Variants in ARID1B observed in about 807,000 individuals in gnomAD.
The protein encoded by ARID1B is AT-rich interactive domain-containing protein 1B.
ARID1B carries 30 observed loss-of-function variants against 212.3 expected under a neutral mutation model. The ratio of observed to expected loss-of-function variants is 0.14; its 90% CI spans 0.11 to 0.19. ARID1B has a LOEUF of 0.19. Among genes scored for constraint, ARID1B ranks in the 10% least tolerant of loss-of-function variants. The probability of loss-of-function intolerance (pLI) is 1.00; values close to 1 mark genes in which losing one functional copy is unlikely to be tolerated. For missense variants in ARID1B, 2,891 were observed against 3,204.0 expected (o/e 0.90, Z 2.36); for synonymous variants, 1,402 against 1,301.7 (o/e 1.08, Z -1.66).
intron 1 of ARID1B, among the ~76,000 whole-genome samples, chr6:156,788,798 CA>C (rs200437035): frequency 6.6e-6 from 1 of 152,082 alleles, no homozygotes; most frequent in Non-Finnish European, 1.5e-5. Flanking sequence ...ATATAAAGAG[CA>C]ATTTTTTTTA....
intron 2 of ARID1B, among the ~76,000 whole-genome samples, chr6:156,872,385 G>A (rs1176592230): frequency 4.6e-5 from 7 of 152,120 alleles, no homozygotes; most frequent in Non-Finnish European, 7.4e-5. Flanking sequence ...GCAATGGTGC[G>A]ATCTTGGCTC....
intron 1 of ARID1B, among the ~76,000 whole-genome samples, chr6:156,785,107 A>G (rs1003181633): frequency 7.9e-5 from 12 of 152,176 alleles, no homozygotes; most frequent in Non-Finnish European, 1.6e-4. Context: ...TCAAACCCAC[A>G]TCTGTATGGA....
At chr6:156,990,506 TATC>T (rs1453742765) in intron 4 of ARID1B, among the ~76,000 whole-genome samples, 1 of 151,992 alleles carries the variant, frequency 6.6e-6, no homozygotes, top group Non-Finnish European at 1.5e-5. Context: ...CTGGGCGTGG[TATC>T]ATGCGCCTGT....
intron 4 of ARID1B, among the ~76,000 whole-genome samples, chr6:157,012,117 G>C (rs908650199): frequency 6.6e-6 from 1 of 152,208 alleles, no homozygotes; most frequent in Non-Finnish European, 1.5e-5. Context: ...ACAGCTGAGG[G>C]AGTTTTACCA....
rs1269350951 is a variant in ARID1B, at chr6:156,777,704, G to A, written c.24G>A (p.Ala8=). Residue 8 remains alanine, a synonymous_variant, in exon 1 of 20, where the codon GCG becomes GCA. Transcript: ENST00000636930. The part of the protein sequence containing the change: MAARAAA[A]AAAAAARARA... Reference sequence around the variant, plus strand: ...TCATGGCCGCGCGGGCAGCAGCGGCGGCGGCGGCGGCGGCGGCGCGGGCGC... The same window carrying A: ...TCATGGCCGCGCGGGCAGCAGCGGCAGCGGCGGCGGCGGCGGCGCGGGCGC... The A allele has an allele frequency of 1.3e-5, 2 of 148,810 alleles. No individual in the cohort carries two copies. Among genetic ancestry groups the A allele is most frequent in the East Asian group, 2.0e-4 (1 of 4,906 alleles). 9.2% of individuals were successfully genotyped at this position (148,810 alleles called of 1,614,324 possible).
At chr6:157,128,716 G>A (rs146997896) in intron 6 of ARID1B, among the ~76,000 whole-genome samples, 80 of 152,270 alleles carry the variant, frequency 5.3e-4, no homozygotes, top group African/African-American at 1.7e-3. Flanking sequence ...GAGAGAGAGC[G>A]TGACCAATAG....
rs1208149429 is a variant in ARID1B, at chr6:157,094,160, A to G, written c.2491+9255A>G. Among the ~76,000 whole-genome samples, 1 of 152,122 alleles carries G rather than the reference A, an allele frequency of 6.6e-6. No individual in the cohort carries two copies. Among genetic ancestry groups the G allele is most frequent in the Non-Finnish European group, 1.5e-5 (1 of 68,012 alleles). On this transcript the variant is annotated intron_variant, in intron 5 of 19. Transcript: ENST00000636930. The surrounding 1 kb of genome is among the most constrained non-coding windows in gnomAD (Gnocchi z 4.3). ...GGGCAAGCCATGTGAGCATCTGGGA[A>G]AGGAGATCCAGGCAGAGAACGGAGC...
At chr6:156,823,116 C>T (rs11964967) in intron 1 of ARID1B, among the ~76,000 whole-genome samples, 62 of 152,184 alleles carry the variant, frequency 4.1e-4, no homozygotes, top group African/African-American at 1.4e-3. Flanking sequence ...AGAAATGGCA[C>T]GTTACCTGAC....
In ARID1B at chr6:156,777,764, CCCCGGGCCGCGGCCGGCG is replaced by C; in HGVS notation, c.90_107del (p.Pro31_Gly36del). ...CAGGCAGCGGCGAACGGCGGGCGCC[CCCCGGGCCGCGGCCGGCG>C]CCCGGAGCCCGGGACCTGGAGGCGG... On this transcript the variant is annotated inframe_deletion, in exon 1 of 20. Coordinates refer to ENST00000636930, the MANE Select transcript of ARID1B (RefSeq NM_001374828.1). The C allele has an allele frequency of 1.4e-6, 1 of 699,608 alleles. No homozygotes were observed. The highest frequency in any genetic ancestry group is 1.7e-6 in the Non-Finnish European group (1 of 573,254). 43.3% of individuals were successfully genotyped at this position (699,608 alleles called of 1,614,324 possible). A position where few individuals can be genotyped will look rare whatever the true frequency, so the allele number is the denominator to read the frequency against.
intron 1 of ARID1B, among the ~76,000 whole-genome samples, chr6:156,783,590 A>G (rs1396753069): frequency 6.6e-6 from 1 of 152,222 alleles, no homozygotes; most frequent in Non-Finnish European, 1.5e-5. Flanking sequence ...CTTTCCTAGG[A>G]TAAATTCCAA....
intron 7 of ARID1B, among the ~76,000 whole-genome samples, chr6:157,141,681 A>G (rs148491303): frequency 1.3e-3 from 196 of 152,352 alleles, no homozygotes; most frequent in Admixed American, 4.0e-3. Flanking sequence ...ACCAGCAAAT[A>G]AACACATGGA....
chr6:156,810,945 G>A (rs1210214393), intron 1 of ARID1B, among the ~76,000 whole-genome samples: 1 of 152,302 alleles, frequency 6.6e-6, no homozygotes, highest in Admixed American at 6.5e-5. Flanking sequence ...TCCAGGCATG[G>A]CTTAGCTGCC....
rs1206844988 is a variant in ARID1B, at chr6:157,148,931, T to A, written c.3069T>A (p.Ala1023=). The part of the protein sequence containing the change: ...QEAAAAVMQA[A]ANSAQSRQGS... ...CAGCCGCAGCAGTGATGCAGGCTGC[T>A]GCGAACTCAGCACAAAGCAGGTACG... The change falls in exon 8 of 20, where the codon GCT becomes GCA. Residue 1023 remains alanine (A), a synonymous_variant. Transcript: ENST00000636930. The surrounding 1 kb of genome is among the most constrained non-coding windows in gnomAD (Gnocchi z 5.6). The A allele has an allele frequency of 1.9e-6, 3 of 1,611,996 alleles. No homozygotes were observed. Among genetic ancestry groups the A allele is most frequent in the Non-Finnish European group, 2.5e-6 (3 of 1,179,442 alleles).
At chr6:157,169,217 A>C (rs1791544362) in intron 9 of ARID1B, 2 of 152,250 alleles carry the variant, frequency 1.3e-5, no homozygotes, top group Admixed American at 6.5e-5. Flanking sequence ...GCATTTCTCC[A>C]TCAAAATATA....
chr6:157,161,636 T>A (rs6557535), intron 8 of ARID1B, among the ~76,000 whole-genome samples: 26,076 of 151,934 alleles, frequency 0.17, 3,310 homozygotes, highest in African/African-American at 0.37. Flanking sequence ...AAAACATTTT[T>A]TATAGGGCAT....
At chr6:157,114,426 A>C (rs1396028063) in intron 6 of ARID1B, among the ~76,000 whole-genome samples, 3 of 146,182 alleles carry the variant, frequency 2.1e-5, no homozygotes, top group Non-Finnish European at 4.5e-5. Context: ...CAGGAGGCTG[A>C]GGCAGGAGAA....
intron 4 of ARID1B, among the ~76,000 whole-genome samples, chr6:156,997,818 A>G (rs1415694697): frequency 6.6e-6 from 1 of 152,220 alleles, no homozygotes; most frequent in Non-Finnish European, 1.5e-5. Context: ...CTCTGTATAC[A>G]TATATTATTT....
intron 2 of ARID1B, among the ~76,000 whole-genome samples, chr6:156,859,122 T>A (rs1183627525): frequency 6.6e-6 from 1 of 152,214 alleles, no homozygotes; most frequent in African/African-American, 2.4e-5. Flanking sequence ...ACCACTCTTT[T>A]TTATTTTTTG....
At chr6:156,870,937 A>G (rs1786078564) in intron 2 of ARID1B, among the ~76,000 whole-genome samples, 1 of 152,216 alleles carries the variant, frequency 6.6e-6, no homozygotes, top group Non-Finnish European at 1.5e-5. Flanking sequence ...CTAACAAACC[A>G]TGTTCCTAAA....
Sources: allele counts gnomAD v4.1 joint callset (sites outside exome capture counted in the v4.1 genomes callset), GRCh38; gene constraint gnomAD v4.1.1; non-coding constraint Gnocchi (gnomAD v3.1); transcripts MANE v1.5; gene names NCBI Gene and HGNC (gene_info 2026-07-23, HGNC 2026-07-21).